The following TTF2 variants were observed in gnomAD, a reference collection of about 807,000 sequenced individuals.
The protein encoded by TTF2 is transcription termination factor 2.
Under a neutral mutation model 142.4 loss-of-function variants are expected in TTF2, and 108 were observed. That is an observed-to-expected ratio of 0.76 (90% confidence interval 0.65 to 0.89). The LOEUF (loss-of-function observed/expected upper bound fraction) is 0.89. Ranked by LOEUF, TTF2 falls within the 40% of genes least tolerant of loss-of-function variation. TTF2 has a pLI of 0.00. For synonymous variants in TTF2, 483 were observed against 506.2 expected, an observed-to-expected ratio of 0.95 and a Z score of 0.61; for missense variants, 1,327 against 1,379.8, an observed-to-expected ratio of 0.96 and a Z score of 0.61.
intron 10 of TTF2, among the ~76,000 whole-genome samples, chr1:117,082,914 G>A (rs1201409127): frequency 6.6e-6 from 1 of 152,184 alleles, no homozygotes; most frequent in Non-Finnish European, 1.5e-5. Flanking sequence ...AAGTTGCCAT[G>A]TATTCAAGTA....
chr1:117,067,167 A>G (rs1262409276), intron 3 of TTF2, among the ~76,000 whole-genome samples: 3 of 152,248 alleles, frequency 2.0e-5, no homozygotes, highest in Non-Finnish European at 4.4e-5. Context: ...ACAAAAAAGT[A>G]TGTTACATGT....
At position 117,100,703 on chromosome 1, in the gene TTF2, G is replaced by C. The variant is rs1025948306; in HGVS notation, c.3345-677G>C. On this transcript the variant is annotated intron_variant, in intron 22 of 22. Coordinates refer to ENST00000369466, the MANE Select transcript of TTF2 (RefSeq NM_003594.4). This position sits in a 1 kb window ranked among gnomAD's most constrained non-coding sequence, Gnocchi z 4.6. Reference sequence around the variant, plus strand: ...TGGCAAACCCTTGCCCAACATACAAGTCTCATATTAAGAGTTAACTGTTTA... The same window carrying C: ...TGGCAAACCCTTGCCCAACATACAACTCTCATATTAAGAGTTAACTGTTTA... Among the ~76,000 whole-genome samples the C allele has an allele frequency of 7.9e-5, 12 of 152,132 alleles. No homozygotes were observed. Among genetic ancestry groups the C allele is most frequent in the Non-Finnish European group, 4.4e-5 (3 of 68,032 alleles).
At chr1:117,091,752 TG>T in intron 16 of TTF2, 64 bp from the exon 17 acceptor site, 2 of 1,568,618 alleles carry the variant, frequency 1.3e-6, no homozygotes, top group South Asian at 2.3e-5. Flanking sequence ...ATGTAGTTCC[TG>T]GCTCTCTCCG....
Position 117,070,699 on chromosome 1 carries a change from TTAATA to T in TTF2, c.219-2955_219-2951del, listed in dbSNP as rs1656505837. ...ATTTCAGAAATTGTATTACATATGT[TTAATA>T]TAATATCCTATTGCAATGAGAAAAA... On this transcript the variant is annotated intron_variant, in intron 3 of 22. Coordinates refer to ENST00000369466, the MANE Select transcript of TTF2 (RefSeq NM_003594.4). The surrounding 1 kb of genome is among the most constrained non-coding windows in gnomAD (Gnocchi z 4.2). Among the ~76,000 whole-genome samples, 1 of 152,238 alleles carries T rather than the reference TTAATA, an allele frequency of 6.6e-6. No homozygotes were observed. The highest frequency in any genetic ancestry group is 2.1e-4 in the South Asian group (1 of 4,830).
In TTF2 at chr1:117,086,036, C is replaced by T. The variant is rs1200216216; in HGVS notation, c.2055-381C>T. ...TCAAATCATTATTAAATGTTAATTC[C>T]CAACTCTATCCTACTTTCTGTTATT... On this transcript the variant is annotated intron_variant, in intron 11 of 22. Transcript: ENST00000369466. This position sits in a 1 kb window ranked among gnomAD's most constrained non-coding sequence, Gnocchi z 4.2. Among the ~76,000 whole-genome samples, 1 of 152,140 alleles carries T rather than the reference C, an allele frequency of 6.6e-6. No homozygotes were observed. The highest frequency in any genetic ancestry group is 1.5e-5 in the Non-Finnish European group (1 of 68,028).
At chr1:117,094,089 C>G (rs1160768721) in intron 18 of TTF2, among the ~76,000 whole-genome samples, 1 of 152,196 alleles carries the variant, frequency 6.6e-6, no homozygotes, top group African/African-American at 2.4e-5. Flanking sequence ...TTTCTGTCTG[C>G]TAATTTGAAT....
intron 7 of TTF2, among the ~76,000 whole-genome samples, chr1:117,077,652 G>A (rs750537844): frequency 1.3e-5 from 2 of 152,182 alleles, no homozygotes; most frequent in Admixed American, 6.5e-5. Context: ...GATTCCAAGT[G>A]GAGCCTGAAA....
In TTF2 at chr1:117,075,046, G is replaced by T; in HGVS notation, c.462G>T (p.Lys154Asn). The T allele has an allele frequency of 6.2e-7, 1 of 1,613,988 alleles. No individual in the cohort carries two copies. Among genetic ancestry groups the T allele is most frequent in the Non-Finnish European group, 8.5e-7 (1 of 1,179,986 alleles). The change falls in exon 5 of 23, where the codon AAG becomes AAT. Residue 154 changes from lysine (K) to asparagine (N), a missense_variant. Lys to Asn is a moderately conservative substitution (Grantham distance 94, BLOSUM62 0). Transcript: ENST00000369466. This position sits in a 1 kb window ranked among gnomAD's most constrained non-coding sequence, Gnocchi z 4.5. ...GTGAGGAAAAGAAGGCTGATAAGAA[G>T]CAAAGAGAAAAGGGAGATCAGCTTT... ...GEGEEKKADK[K>N]QREKGDQLFD...
rs747413282 is a variant in TTF2 at position 117,075,749 on chromosome 1, C to A, written c.1165C>A (p.Arg389=). 1.9e-6 allele frequency: 3 copies of A among 1,614,204 alleles called. No homozygotes were observed. The highest frequency in any genetic ancestry group is 2.5e-6 in the Non-Finnish European group (3 of 1,180,034). ...ETKENLQFPD[R]SVQRKVSPAS... ...GAAGGAAAACCTCCAATTCCCTGAT[C>A]GAAGTGTGCAAAGAAAGGTGTCTCC... Residue 389 remains arginine, a synonymous_variant, in exon 5 of 23, where the codon CGA becomes AGA. Coordinates refer to ENST00000369466, the MANE Select transcript of TTF2 (RefSeq NM_003594.4). This position sits in a 1 kb window ranked among gnomAD's most constrained non-coding sequence, Gnocchi z 4.5.
At chr1:117,078,761 A>G (rs1274151090) in intron 8 of TTF2, among the ~76,000 whole-genome samples, 1 of 152,252 alleles carries the variant, frequency 6.6e-6, no homozygotes, top group Non-Finnish European at 1.5e-5. Flanking sequence ...TTCTTAACAG[A>G]GTACAAGATA....
chr1:117,092,489 A>G lies in TTF2; in HGVS notation c.2806-242A>G, dbSNP rs1648679406. On this transcript the variant is annotated intron_variant, in intron 17 of 22. Coordinates refer to ENST00000369466, the MANE Select transcript of TTF2 (RefSeq NM_003594.4). This position sits in a 1 kb window ranked among gnomAD's most constrained non-coding sequence, Gnocchi z 4.4. ...TCTCAATTATATTCTAGCTTGGAAA[A>G]AATAGAATGATTATGTCATCTGCCT... 6.6e-6 allele frequency among the ~76,000 whole-genome samples: 1 copy of G among 152,214 alleles called. No homozygotes were observed.
intron 3 of TTF2, among the ~76,000 whole-genome samples, chr1:117,072,422 C>CTTTTT (rs34927356): frequency 2.1e-4 from 21 of 102,030 alleles, no homozygotes; most frequent in South Asian, 3.4e-4. Flanking sequence ...AAGATACGGA[C>CTTTTT]TTTTTTTTTT....
chr1:117,084,626 G>T lies in TTF2; in HGVS notation c.2054+458G>T, dbSNP rs561957919. 2.6e-4 allele frequency among the ~76,000 whole-genome samples: 40 copies of T among 152,288 alleles called. No individual in the cohort carries two copies. In the South Asian group the frequency reaches 2.9e-3, roughly 11 times the overall value. ...TATATGAACCATCTAAGATGCTTTA[G>T]ACTCAATAATTTAGGACGATTAGAG... On this transcript the variant is annotated intron_variant, in intron 11 of 22. Transcript: ENST00000369466.
In TTF2 at chr1:117,090,543, C is replaced by T. The variant is rs774666971; in HGVS notation, c.2508C>T (p.Pro836=). Residue 836 remains proline, a synonymous_variant, in exon 15 of 23, where the codon CCC becomes CCT. Transcript: ENST00000369466. This position sits in a 1 kb window ranked among gnomAD's most constrained non-coding sequence, Gnocchi z 4.8. The stretch of plus-strand genomic sequence containing the variant: ...TTTTATTCTTCCAGGTGATACTGCC[C>T]CAGCGTAAATTTCAGTTGCACCATT... The part of the protein sequence containing the change: ...DSTGRPLVIL[P]QRKFQLHHLK... The T allele has an allele frequency of 1.9e-5, 30 of 1,613,634 alleles. No homozygotes were observed. Among genetic ancestry groups the T allele is most frequent in the Non-Finnish European group, 2.4e-5 (28 of 1,179,892 alleles).
At chr1:117,069,094 A>G (rs1259841326) in intron 3 of TTF2, among the ~76,000 whole-genome samples, 1 of 152,130 alleles carries the variant, frequency 6.6e-6, no homozygotes, top group Non-Finnish European at 1.5e-5. Flanking sequence ...TTCCTAGAAC[A>G]TTTACAATTT....
In TTF2 at chr1:117,090,720, C is replaced by A; in HGVS notation, c.2588+97C>A. The A allele has an allele frequency of 9.9e-7, 1 of 1,005,972 alleles. No homozygotes were observed. The allele number at this position is 1,005,972 out of a possible 1,614,324, so 62.3% of individuals were successfully genotyped here. A position where few individuals can be genotyped will look rare whatever the true frequency, so the allele number is the denominator to read the frequency against. Reference sequence around the variant, plus strand: ...GGTCAAATTTCCACAAACTTTATGGCATTATTGATTAGTTGGATGTCTGTA... The same window carrying A: ...GGTCAAATTTCCACAAACTTTATGGAATTATTGATTAGTTGGATGTCTGTA... On this transcript the variant is annotated intron_variant, in intron 15 of 22. Coordinates refer to ENST00000369466, the MANE Select transcript of TTF2 (RefSeq NM_003594.4). The surrounding 1 kb of genome is among the most constrained non-coding windows in gnomAD (Gnocchi z 4.8).
chr1:117,075,416 G>T lies in TTF2; in HGVS notation c.832G>T (p.Gly278Trp), dbSNP rs1294053159. Residue 278 changes from glycine to tryptophan, a missense_variant, in exon 5 of 23, where the codon GGG becomes TGG. Coordinates refer to ENST00000369466, the MANE Select transcript of TTF2 (RefSeq NM_003594.4). The surrounding 1 kb of genome is among the most constrained non-coding windows in gnomAD (Gnocchi z 4.5). ...CAACTCAATAAGCAAGCCCCAGAAA[G>T]GGGGACCCCTCAACAAGGAGTACAC... ...SHNSISKPQKGGPLNKEYTNW... is the reference protein window; with the variant it reads ...SHNSISKPQKWGPLNKEYTNW... The T allele has an allele frequency of 9.3e-6, 15 of 1,614,146 alleles. No homozygotes were observed. Among genetic ancestry groups the T allele is most frequent in the Non-Finnish European group, 1.3e-5 (15 of 1,179,988 alleles).
At chr1:117,084,405 A>G (rs1353446616) in intron 11 of TTF2, among the ~76,000 whole-genome samples, 1 of 152,214 alleles carries the variant, frequency 6.6e-6, no homozygotes, top group Non-Finnish European at 1.5e-5. Context: ...AGGAGGCCTG[A>G]GATGCCGGAG....
At position 117,090,508 on chromosome 1, in the gene TTF2, C is replaced by T; in HGVS notation, c.2497-24C>T. The T allele has an allele frequency of 6.3e-7, 1 of 1,596,570 alleles. No individual in the cohort carries two copies. Among genetic ancestry groups the T allele is most frequent in the South Asian group, 1.1e-5 (1 of 88,870 alleles). On this transcript the variant is annotated intron_variant, in intron 14 of 22. Transcript: ENST00000369466. This position sits in a 1 kb window ranked among gnomAD's most constrained non-coding sequence, Gnocchi z 4.8. ...GCAGTTAATTTGTATAGCTTCATGC[C>T]AGCTTTTTTTTTTATTCTTCCAGGT...
Sources: allele counts gnomAD v4.1 joint callset (sites outside exome capture counted in the v4.1 genomes callset), GRCh38; gene constraint gnomAD v4.1.1; non-coding constraint Gnocchi (gnomAD v3.1); transcripts MANE v1.5; gene names NCBI Gene and HGNC (gene_info 2026-07-23, HGNC 2026-07-21).